Variants in PAM observed in about 807,000 individuals in gnomAD.
PAM encodes the protein peptidylglycine alpha-amidating monooxygenase.
PAM carries 72 observed loss-of-function variants against 122.1 expected under a neutral mutation model. The observed-to-expected ratio is 0.59, with a 90% confidence interval of 0.49 to 0.72. The LOEUF (loss-of-function observed/expected upper bound fraction) is 0.72. PAM is among the 30% of genes least tolerant of loss of function. The probability of loss-of-function intolerance (pLI) is 0.00; values close to 1 mark genes in which losing one functional copy is unlikely to be tolerated. For synonymous variants in PAM, 389 were observed against 404.4 expected (o/e 0.96, Z 0.46); for missense variants, 1,106 against 1,183.7 (o/e 0.93, Z 0.96).
chr5:103,007,498 C>T lies in PAM; in HGVS notation c.2056C>T (p.Pro686Ser), dbSNP rs1288273177. ...SSPLPGQFTV[P>S]HSLALVPLLG... ...TCCTCTGCCAGGCCAGTTCACTGTT[C>T]CTCACAGCTTGGCTCTTGTGCCTCT... The change falls in exon 20 of 26, where the codon CCT (proline) becomes TCT (serine). Residue 686 changes from proline (P) to serine (S), a missense_variant. Coordinates refer to ENST00000438793, the MANE Select transcript of PAM (RefSeq NM_001177306.2). 1.9e-6 allele frequency: 3 copies of T among 1,614,034 alleles called. No homozygotes were observed. The highest frequency in any genetic ancestry group is 2.5e-6 in the Non-Finnish European group (3 of 1,179,990).
intron 1 of PAM, among the ~76,000 whole-genome samples, chr5:102,757,411 A>G (rs1458207323): frequency 6.6e-6 from 1 of 152,230 alleles, no homozygotes; most frequent in African/African-American, 2.4e-5. Context: ...TTGTTAAGAC[A>G]TTGCTTTCTA....
At position 102,876,671 on chromosome 5, in the gene PAM, G is replaced by C. The variant is rs563115823; in HGVS notation, c.210+9278G>C. Among the ~76,000 whole-genome samples, 3 of 152,362 alleles carry C rather than the reference G, an allele frequency of 2.0e-5. No homozygotes were observed. In the South Asian group the frequency reaches 6.2e-4, roughly 32 times the overall value. Reference sequence around the variant, plus strand: ...ATTAGGGAGTAGGAAAAAGTAGTATGTGGGGGCTCAGTAGAGTCAGGGAAG... The same window carrying C: ...ATTAGGGAGTAGGAAAAAGTAGTATCTGGGGGCTCAGTAGAGTCAGGGAAG... On this transcript the variant is annotated intron_variant, in intron 3 of 25. Transcript: ENST00000438793.
chr5:102,945,593 C>T (rs1158698097), intron 7 of PAM, among the ~76,000 whole-genome samples: 1 of 151,890 alleles, frequency 6.6e-6, no homozygotes, highest in Non-Finnish European at 1.5e-5. Context: ...GTTTTTTAAG[C>T]AGTGGGATTC....
At chr5:102,928,221 C>T (rs1750268395) in intron 7 of PAM, among the ~76,000 whole-genome samples, 1 of 152,176 alleles carries the variant, frequency 6.6e-6, no homozygotes, top group Admixed American at 6.5e-5. Context: ...TTCCCCTCAG[C>T]GTTGTAAGGA....
chr5:103,008,365 CA>C (rs1779652165), intron 20 of PAM, among the ~76,000 whole-genome samples: 1 of 151,800 alleles, frequency 6.6e-6, no homozygotes, highest in Non-Finnish European at 1.5e-5. Flanking sequence ...TGTATGTTTA[CA>C]ATGTGGAATG....
chr5:102,837,603 A>G (rs1777446132), intron 1 of PAM: 1 of 152,236 alleles, frequency 6.6e-6, no homozygotes. Flanking sequence ...AACTTAATGC[A>G]TTCTTGTCAA....
In PAM at chr5:102,831,776, T is replaced by C. The variant is rs372696247; in HGVS notation, c.-373-34047T>C. On this transcript the variant is annotated intron_variant, in intron 1 of 25. Transcript: ENST00000438793. ...CTTTAACTAGAAAAAAATTTACTAC[T>C]ATGCTAATGTGGTACAATTTTTGAA... Among the ~76,000 whole-genome samples, 230 of 152,280 alleles carry C rather than the reference T, an allele frequency of 1.5e-3. 3 individuals are homozygous for C. The South Asian group carries it at 0.046, about 30-fold the overall frequency.
At chr5:102,908,451 T>G (rs1039890172) in intron 4 of PAM, among the ~76,000 whole-genome samples, 1 of 151,830 alleles carries the variant, frequency 6.6e-6, no homozygotes, top group African/African-American at 2.4e-5. Flanking sequence ...GACTTGGCGA[T>G]GCAGGCTCTT....
intron 13 of PAM, 67 bp from the exon 14 acceptor site, chr5:102,961,091 C>A (rs1762354224): frequency 2.5e-6 from 2 of 799,218 alleles, no homozygotes; most frequent in Non-Finnish European, 4.4e-6. Context: ...GGACTATTTC[C>A]AATAAACTAT....
intron 1 of PAM, among the ~76,000 whole-genome samples, chr5:102,780,009 A>G (rs1299787658): frequency 6.7e-6 from 1 of 150,278 alleles, no homozygotes; most frequent in Non-Finnish European, 1.5e-5. Context: ...TGGTCCAAAA[A>G]TTTGGAGAGT....
chr5:102,756,521 A>G (rs1750379049), intron 1 of PAM, among the ~76,000 whole-genome samples: 1 of 152,200 alleles, frequency 6.6e-6, no homozygotes, highest in Admixed American at 6.5e-5. Flanking sequence ...AATTCTAATA[A>G]TCCAGGAAGG....
intron 1 of PAM, among the ~76,000 whole-genome samples, chr5:102,769,272 T>C (rs957842742): frequency 2.6e-5 from 4 of 152,258 alleles, no homozygotes; most frequent in African/African-American, 7.2e-5. Context: ...AGATGGATAG[T>C]GTGCAAATAT....
rs1582065536 is a variant in PAM, at chr5:102,949,984, T to G, written c.801+6T>G. On this transcript the variant is annotated splice_donor_region_variant and intron_variant, in intron 11 of 25. Transcript: ENST00000438793. ...AGAGCCCTCAGCTGCCACAGGTGGGTAAAATCTAGTTTAATTTTGAGAGAA... is the reference window on the plus strand; with the variant it reads ...AGAGCCCTCAGCTGCCACAGGTGGGGAAAATCTAGTTTAATTTTGAGAGAA... 1 of 1,459,594 alleles carries G rather than the reference T, an allele frequency of 6.9e-7. No individual in the cohort carries two copies. The highest frequency in any genetic ancestry group is 9.6e-7 in the Non-Finnish European group (1 of 1,041,138). The allele number at this position is 1,459,594 out of a possible 1,614,324, so 90.4% of individuals were successfully genotyped here.
At chr5:102,820,961 G>A (rs1348705523) in intron 1 of PAM, among the ~76,000 whole-genome samples, 1 of 152,134 alleles carries the variant, frequency 6.6e-6, no homozygotes, top group Non-Finnish European at 1.5e-5. Context: ...AAGAATTTGA[G>A]GATTAGATTG....
intron 7 of PAM, among the ~76,000 whole-genome samples, chr5:102,930,824 T>C (rs528982422): frequency 2.0e-4 from 30 of 152,324 alleles, no homozygotes; most frequent in African/African-American, 7.0e-4. Flanking sequence ...TTTTAAAAAA[T>C]GTATAGACTT....
chr5:102,799,819 C>T (rs1764229712), intron 1 of PAM, among the ~76,000 whole-genome samples: 1 of 152,202 alleles, frequency 6.6e-6, no homozygotes, highest in Non-Finnish European at 1.5e-5. Flanking sequence ...GCTAATTCAA[C>T]TCTACCCGTC....
chr5:102,932,847 A>C (rs1581847314), intron 7 of PAM, among the ~76,000 whole-genome samples: 1 of 151,928 alleles, frequency 6.6e-6, no homozygotes, highest in Admixed American at 6.6e-5. Flanking sequence ...TTGTGCTATG[A>C]TTTCTTTCCA....
intron 15 of PAM, chr5:102,987,464 T>C (rs1180878967): frequency 4.6e-6 from 2 of 430,854 alleles, no homozygotes; most frequent in East Asian, 7.0e-5. Context: ...TAGTGTTTGA[T>C]AGCACAGCAG....
chr5:102,959,226 T>A (rs1262071301), intron 12 of PAM, among the ~76,000 whole-genome samples: 1 of 152,102 alleles, frequency 6.6e-6, no homozygotes, highest in Non-Finnish European at 1.5e-5. Context: ...AGTGCTGATT[T>A]CATTTTGAGT....
Sources: allele counts gnomAD v4.1 joint callset (sites outside exome capture counted in the v4.1 genomes callset), GRCh38; gene constraint gnomAD v4.1.1; transcripts MANE v1.5; gene names NCBI Gene and HGNC (gene_info 2026-07-23, HGNC 2026-07-21).